PTPRS: variants seen among roughly 807,000 people sequenced by gnomAD.
PTPRS encodes the protein receptor-type tyrosine-protein phosphatase S.
A neutral mutation model predicts 215.3 loss-of-function variants in PTPRS; 63 were observed. The observed-to-expected ratio is 0.29, with a 90% CI of 0.24 to 0.36. The LOEUF is 0.36. PTPRS is among the 10% of genes least tolerant of loss of function. The pLI is 1.00. For missense variants in PTPRS, 2,258 were observed against 2,825.8 expected, an observed-to-expected ratio of 0.80 and a Z score of 4.56; for synonymous variants, 1,404 against 1,191.4, an observed-to-expected ratio of 1.18 and a Z score of -3.68.
chr19:5,222,084 C>T, intron 19 of PTPRS, 39 bp downstream of exon 19: 4 of 1,503,986 alleles, frequency 2.7e-6, no homozygotes, highest in Non-Finnish European at 3.7e-6. Context: ...CAACCCCTGA[C>T]CCTGCCTGCC....
At chr19:5,330,346 C>T (rs993387417) in intron 1 of PTPRS, among the ~76,000 whole-genome samples, 1 of 152,220 alleles carries the variant, frequency 6.6e-6, no homozygotes, top group Non-Finnish European at 1.5e-5. Context: ...CACCTGCCAC[C>T]TCTCAGGGCA....
At chr19:5,318,762 C>T (rs1341224307) in intron 1 of PTPRS, among the ~76,000 whole-genome samples, 1 of 152,170 alleles carries the variant, frequency 6.6e-6, no homozygotes. Flanking sequence ...AAGTGATCCT[C>T]CCGTCTCAAC....
intron 1 of PTPRS, among the ~76,000 whole-genome samples, chr19:5,296,694 T>G (rs1392148321): frequency 6.3e-5 from 6 of 95,414 alleles, no homozygotes; most frequent in African/African-American, 8.3e-5. Context: ...TGGAGCAGAG[T>G]GAGGAAGGGG....
At position 5,245,986 on chromosome 19, in the gene PTPRS, C is replaced by T; in HGVS notation, c.778G>A (p.Gly260Ser). The change falls in exon 10 of 38, where the codon GGC (glycine) becomes AGC (serine). Residue 260 changes from glycine to serine, a missense_variant. Gly to Ser is a moderately conservative substitution (Grantham distance 56). Transcript: ENST00000262963. Reference protein sequence around the residue: ...LPMSHEIMPGGNVNITCVAVG... With the variant: ...LPMSHEIMPGSNVNITCVAVG... ...GCCACGCAGGTGATGTTCACGTTGCCCCCTGGCATGATCTCGTGGCTCATG... is the reference window on the plus strand; with the variant it reads ...GCCACGCAGGTGATGTTCACGTTGCTCCCTGGCATGATCTCGTGGCTCATG... 2.5e-6 allele frequency: 4 copies of T among 1,597,080 alleles called. No homozygotes were observed. Among genetic ancestry groups the T allele is most frequent in the Non-Finnish European group, 3.4e-6 (4 of 1,170,466 alleles).
chr19:5,274,848 C>T (rs569763430), intron 2 of PTPRS, among the ~76,000 whole-genome samples: 42 of 152,130 alleles, frequency 2.8e-4, no homozygotes, highest in Non-Finnish European at 4.1e-4. Context: ...AGGCACCCAG[C>T]ATGGGGGCGG....
At chr19:5,311,995 G>A (rs1224538081) in intron 1 of PTPRS, among the ~76,000 whole-genome samples, 1 of 151,558 alleles carries the variant, frequency 6.6e-6, no homozygotes, top group Non-Finnish European at 1.5e-5. Context: ...AGCCGAGATC[G>A]TGCGCCACTG....
chr19:5,332,773 C>A (rs1375958067), intron 1 of PTPRS, among the ~76,000 whole-genome samples: 1 of 152,252 alleles, frequency 6.6e-6, no homozygotes, highest in Non-Finnish European at 1.5e-5. Flanking sequence ...AAGAAGCATT[C>A]CCAACATTCC....
rs185326821 is a variant in PTPRS at position 5,239,044 on chromosome 19, G to T, written c.1724C>A (p.Pro575Gln). The T allele has an allele frequency of 6.2e-7, 1 of 1,613,176 alleles. No homozygotes were observed. Among genetic ancestry groups the T allele is most frequent in the Non-Finnish European group, 8.5e-7 (1 of 1,179,726 alleles). The change falls in exon 13 of 38, where the codon CCG becomes CAG. Residue 575 changes from proline to glutamine, a missense_variant. Transcript: ENST00000262963. The part of the protein sequence containing the change: ...HGREVGRTFD[P>Q]TTSYVVEDLK... ...GTCCTCCACCACGTAGGAAGTCGTC[G>T]GGTCGAAGGTCCTTCCCACCTGGGG...
chr19:5,339,774 C>T lies in PTPRS; in HGVS notation c.-95+890G>A. Among the ~76,000 whole-genome samples the T allele has an allele frequency of 6.6e-6, 1 of 151,766 alleles. No individual in the cohort carries two copies. The highest frequency in any genetic ancestry group is 1.5e-5 in the Non-Finnish European group (1 of 67,806). On this transcript the variant is annotated intron_variant, in intron 1 of 37. Coordinates refer to ENST00000262963, the MANE Select transcript of PTPRS (RefSeq NM_002850.4). The surrounding 1 kb of genome is among the most constrained non-coding windows in gnomAD (Gnocchi z 4.2). Reference sequence around the variant, plus strand: ...TCACCTCCCCTCCCCCCGCAGCCCCCGGGGGCTCCCGGGGCGTGCGGAACC... The same window carrying T: ...TCACCTCCCCTCCCCCCGCAGCCCCTGGGGGCTCCCGGGGCGTGCGGAACC...
rs562404302 is a variant in PTPRS at position 5,237,526 on chromosome 19, T to C, written c.1849+1393A>G. On this transcript the variant is annotated intron_variant, in intron 13 of 37. Coordinates refer to ENST00000262963, the MANE Select transcript of PTPRS (RefSeq NM_002850.4). This position sits in a 1 kb window ranked among gnomAD's most constrained non-coding sequence, Gnocchi z 4.2. ...GAAGGGATGTGTGCAAAGACGTGGA[T>C]GTGCGTGCGTGGGCAGCGTGGCATG... Among the ~76,000 whole-genome samples, 14 of 152,282 alleles carry C rather than the reference T, an allele frequency of 9.2e-5. No homozygotes were observed. Among genetic ancestry groups the C allele is most frequent in the Middle Eastern group, 3.4e-3 (1 of 294 alleles).
In PTPRS at chr19:5,214,342, GC is replaced by G. The variant is rs774740564; in HGVS notation, c.4614+18del. 6.2e-7 allele frequency: 1 copy of G among 1,613,884 alleles called. No homozygotes were observed. The highest frequency in any genetic ancestry group is 1.3e-5 in the African/African-American group (1 of 75,040). ...CACATTCCTCCACCCTCAGCCCCCA[GC>G]CCCAGCCTGGGCCCCACCTTGTGCA... On this transcript the variant is annotated intron_variant, in intron 30 of 37. Coordinates refer to ENST00000262963, the MANE Select transcript of PTPRS (RefSeq NM_002850.4).
rs1484000384 is a variant in PTPRS at position 5,210,459 on chromosome 19, C to T, written c.5487+10G>A. 1.2e-6 allele frequency: 2 copies of T among 1,614,148 alleles called. No homozygotes were observed. The highest frequency in any genetic ancestry group is 1.7e-6 in the Non-Finnish European group (2 of 1,180,002). ...TCCAGCCCCTCCCGCCAGTCTGTCT[C>T]TTCACTCACCCGGGCATCTGTGACC... On this transcript the variant is annotated intron_variant, in intron 35 of 37. Transcript: ENST00000262963. This position sits in a 1 kb window ranked among gnomAD's most constrained non-coding sequence, Gnocchi z 4.5.
At chr19:5,285,763 G>A (rs1196687146) in intron 2 of PTPRS, among the ~76,000 whole-genome samples, 3 of 152,228 alleles carry the variant, frequency 2.0e-5, no homozygotes, top group Non-Finnish European at 4.4e-5. Flanking sequence ...TAAAATTAGT[G>A]CTTAGCATGG....
At chr19:5,290,321 T>C (rs1157341144) in intron 1 of PTPRS, among the ~76,000 whole-genome samples, 1 of 152,194 alleles carries the variant, frequency 6.6e-6, no homozygotes, top group Non-Finnish European at 1.5e-5. Context: ...AGCCCACGTT[T>C]AATCTTGTGA....
At chr19:5,236,863 AAAC>A (rs796071041) in intron 13 of PTPRS, among the ~76,000 whole-genome samples, 6,455 of 150,418 alleles carry the variant, frequency 0.043, 533 homozygotes, top group African/African-American at 0.15. Flanking sequence ...AAAAAAAAAA[AAAC>A]AACAATCAAG....
At chr19:5,310,626 T>C (rs984198802) in intron 1 of PTPRS, among the ~76,000 whole-genome samples, 16 of 152,146 alleles carry the variant, frequency 1.1e-4, no homozygotes, top group South Asian at 2.1e-4. Context: ...CCAACTTTAT[T>C]TTTCTTAAAG....
intron 13 of PTPRS, among the ~76,000 whole-genome samples, chr19:5,236,370 C>T (rs1451997118): frequency 2.0e-5 from 3 of 152,216 alleles, no homozygotes; most frequent in Non-Finnish European, 4.4e-5. Flanking sequence ...CCAGACTTGG[C>T]CGTGATTCAC....
chr19:5,339,066 G>A lies in PTPRS; in HGVS notation c.-95+1598C>T, dbSNP rs552430465. On this transcript the variant is annotated intron_variant, in intron 1 of 37. Transcript: ENST00000262963. This position sits in a 1 kb window ranked among gnomAD's most constrained non-coding sequence, Gnocchi z 4.2. Reference sequence around the variant, plus strand: ...CCGGCTTCTAGGTATCATCCCTGCTGCTCAGCCGGGACTCCGACACCTCGG... The same window carrying A: ...CCGGCTTCTAGGTATCATCCCTGCTACTCAGCCGGGACTCCGACACCTCGG... 2.0e-5 allele frequency among the ~76,000 whole-genome samples: 3 copies of A among 152,298 alleles called. No homozygotes were observed. Among genetic ancestry groups the A allele is most frequent in the Non-Finnish European group, 4.4e-5 (3 of 68,024 alleles).
chr19:5,319,015 T>A (rs936195071), intron 1 of PTPRS, among the ~76,000 whole-genome samples: 54 of 152,028 alleles, frequency 3.6e-4, no homozygotes, highest in African/African-American at 1.3e-3. Context: ...AAATTCTGAG[T>A]TCTGGAAACT....
Sources: allele counts gnomAD v4.1 joint callset (sites outside exome capture counted in the v4.1 genomes callset), GRCh38; gene constraint gnomAD v4.1.1; non-coding constraint Gnocchi (gnomAD v3.1); transcripts MANE v1.5; gene names NCBI Gene and HGNC (gene_info 2026-07-23, HGNC 2026-07-21).